Variants in F13A1 observed in about 807,000 individuals in gnomAD.
The protein encoded by F13A1 is FSF, A subunit.
A neutral mutation model predicts 80.1 loss-of-function variants in F13A1; 47 were observed. The ratio of observed to expected loss-of-function variants is 0.59; its 90% CI spans 0.46 to 0.75. F13A1 has a LOEUF of 0.75. Among genes scored for constraint, F13A1 ranks in the 30% least tolerant of loss-of-function variants. The pLI is 0.00. For synonymous variants in F13A1, 349 were observed against 344.9 expected (o/e 1.01, Z -0.13); for missense variants, 817 against 930.4 (o/e 0.88, Z 1.59).
intron 11 of F13A1, among the ~76,000 whole-genome samples, chr6:6,175,972 C>T (rs933774475): frequency 6.6e-5 from 10 of 152,214 alleles, no homozygotes; most frequent in South Asian, 6.2e-4. Flanking sequence ...GGTGGGAGAA[C>T]GGTCCTTACA....
At chr6:6,316,037 C>T (rs1332374774) in intron 2 of F13A1, among the ~76,000 whole-genome samples, 1 of 119,608 alleles carries the variant, frequency 8.4e-6, no homozygotes, top group Admixed American at 9.1e-5. Context: ...AGGAGATAGA[C>T]CTCCTTGTTC....
At chr6:6,199,140 G>GT (rs1276185787) in intron 8 of F13A1, among the ~76,000 whole-genome samples, 6 of 152,164 alleles carry the variant, frequency 3.9e-5, no homozygotes, top group African/African-American at 1.4e-4. Flanking sequence ...GTGCGAAGTG[G>GT]TGTTCTAAAA....
rs1757509341 is a variant in F13A1 at position 6,243,250 on chromosome 6, TCAC to T, written c.798+5059_798+5061del. On this transcript the variant is annotated intron_variant, in intron 6 of 14. Coordinates refer to ENST00000264870, the MANE Select transcript of F13A1 (RefSeq NM_000129.4). This position sits in a 1 kb window ranked among gnomAD's most constrained non-coding sequence, Gnocchi z 4.2. ...ACCGTCACCATCTCCACCACCACCA[TCAC>T]CATCATCATCACTATCACCACCATA... 6.7e-6 allele frequency among the ~76,000 whole-genome samples: 1 copy of T among 150,140 alleles called. No individual in the cohort carries two copies. The highest frequency in any genetic ancestry group is 1.5e-5 in the Non-Finnish European group (1 of 67,480).
intron 11 of F13A1, among the ~76,000 whole-genome samples, chr6:6,179,696 C>T (rs1206414496): frequency 6.6e-6 from 1 of 152,166 alleles, no homozygotes; most frequent in East Asian, 1.9e-4. Flanking sequence ...CACTTGGGGT[C>T]AAACTCCAGC....
chr6:6,219,606 G>A (rs907917053), intron 8 of F13A1, among the ~76,000 whole-genome samples: 8 of 152,170 alleles, frequency 5.3e-5, no homozygotes, highest in Non-Finnish European at 8.8e-5. Flanking sequence ...ATAGGAGTGT[G>A]GCTGTGGTGA....
At chr6:6,272,962 G>C (rs1757942320) in intron 3 of F13A1, among the ~76,000 whole-genome samples, 1 of 152,164 alleles carries the variant, frequency 6.6e-6, no homozygotes, top group African/African-American at 2.4e-5. Context: ...TCCTATGTAA[G>C]AAAAGCTTAA....
At chr6:6,286,493 T>C (rs997100577) in intron 3 of F13A1, among the ~76,000 whole-genome samples, 1 of 152,246 alleles carries the variant, frequency 6.6e-6, no homozygotes, top group Non-Finnish European at 1.5e-5. Flanking sequence ...ATTCCTGTTC[T>C]AAAGCTTTTG....
chr6:6,248,490 T>G (rs750391880), intron 5 of F13A1, 71 bp from the exon 6 acceptor site: 52 of 1,224,378 alleles, frequency 4.2e-5, no homozygotes, highest in Non-Finnish European at 5.6e-5. Flanking sequence ...TGATGAAAAA[T>G]AACATGAAAC....
At chr6:6,285,538 G>A (rs1362855078) in intron 3 of F13A1, among the ~76,000 whole-genome samples, 1 of 152,210 alleles carries the variant, frequency 6.6e-6, no homozygotes, top group Non-Finnish European at 1.5e-5. Context: ...GCTTCCTGAA[G>A]GCTAAAGAAA....
chr6:6,273,167 CCAAA>C (rs554184216), intron 3 of F13A1, among the ~76,000 whole-genome samples: 80 of 152,272 alleles, frequency 5.3e-4, no homozygotes, highest in Non-Finnish European at 5.9e-4. Flanking sequence ...CCAGAAAAGC[CCAAA>C]CAAACATTTT....
rs895649564 is a variant in F13A1 at position 6,243,211 on chromosome 6, TCAC to T, written c.798+5098_798+5100del. Among the ~76,000 whole-genome samples, 1 of 150,438 alleles carries T rather than the reference TCAC, an allele frequency of 6.6e-6. No homozygotes were observed. The highest frequency in any genetic ancestry group is 2.1e-4 in the South Asian group (1 of 4,732). On this transcript the variant is annotated intron_variant, in intron 6 of 14. Coordinates refer to ENST00000264870, the MANE Select transcript of F13A1 (RefSeq NM_000129.4). This position sits in a 1 kb window ranked among gnomAD's most constrained non-coding sequence, Gnocchi z 4.2. Reference sequence around the variant, plus strand: ...ACTCCCACCACCATCACTCCTACCATCACCACCACCATCACCGTCACCATCTCC... The same window carrying T: ...ACTCCCACCACCATCACTCCTACCATCACCACCATCACCGTCACCATCTCC...
intron 3 of F13A1, among the ~76,000 whole-genome samples, chr6:6,301,161 A>G (rs1030086452): frequency 5.9e-5 from 9 of 152,174 alleles, no homozygotes; most frequent in Non-Finnish European, 1.2e-4. Flanking sequence ...TGAAACAGGC[A>G]CTGAATTTTA....
chr6:6,178,904 G>A (rs1457039078), intron 11 of F13A1, among the ~76,000 whole-genome samples: 1 of 152,200 alleles, frequency 6.6e-6, no homozygotes, highest in Non-Finnish European at 1.5e-5. Context: ...TGACAATTGG[G>A]TGGTCTTGGC....
chr6:6,303,776 T>C (rs886230651), intron 3 of F13A1, among the ~76,000 whole-genome samples: 11 of 152,222 alleles, frequency 7.2e-5, no homozygotes, highest in Non-Finnish European at 1.6e-4. Context: ...ATTTAATAGC[T>C]GGTTTATATA....
intron 3 of F13A1, among the ~76,000 whole-genome samples, chr6:6,275,501 C>T (rs559550336): frequency 6.6e-6 from 1 of 152,288 alleles, no homozygotes; most frequent in Non-Finnish European, 1.5e-5. Flanking sequence ...TCCCAAGTAG[C>T]TGGGACTACT....
At position 6,222,244 on chromosome 6, in the gene F13A1, T is replaced by C. The variant is rs1475036403; in HGVS notation, c.974-73A>G. On this transcript the variant is annotated intron_variant, in intron 7 of 14. Coordinates refer to ENST00000264870, the MANE Select transcript of F13A1 (RefSeq NM_000129.4). ...AAACACAGAGTGAAAAAACCCTTCT[T>C]GTAGGGGACTTTCTTCCTGACCCAA... 4 of 1,587,558 alleles carry C rather than the reference T, an allele frequency of 2.5e-6. No individual in the cohort carries two copies. The African/African-American group carries it at 4.0e-5, about 16-fold the overall frequency.
chr6:6,301,175 G>T (rs6926529), intron 3 of F13A1, among the ~76,000 whole-genome samples: 2,112 of 152,240 alleles, frequency 0.014, 45 homozygotes, highest in African/African-American at 0.047. Flanking sequence ...AATTTTAAGA[G>T]AATTATTTCC....
intron 3 of F13A1, among the ~76,000 whole-genome samples, chr6:6,290,802 A>G (rs1758213888): frequency 6.6e-6 from 1 of 152,258 alleles, no homozygotes; most frequent in Admixed American, 6.5e-5. Flanking sequence ...GACATTCTAT[A>G]TAAATGTTGC....
Position 6,257,868 on chromosome 6 carries a change from A to AT in F13A1, c.572-6940dup, listed in dbSNP as rs1757723588. 2.6e-5 allele frequency among the ~76,000 whole-genome samples: 4 copies of AT among 152,208 alleles called. No homozygotes were observed. In the South Asian group the frequency reaches 8.3e-4, roughly 32 times the overall value. ...ATCTTCAGAAGATAGACTATTATTC[A>AT]TGAAGCAATTCTACAAAGAAAATGT... On this transcript the variant is annotated intron_variant, in intron 4 of 14. Coordinates refer to ENST00000264870, the MANE Select transcript of F13A1 (RefSeq NM_000129.4).
Sources: gnomAD v4.1 joint callset for allele counts (sites outside exome capture counted in the v4.1 genomes callset) on GRCh38, gnomAD v4.1.1 for gene constraint, Gnocchi (gnomAD v3.1) non-coding constraint, MANE v1.5 for transcripts, NCBI Gene and HGNC (gene_info 2026-07-23, HGNC 2026-07-21) for gene names.